Variants in RAB10 observed in about 807,000 individuals in gnomAD.
RAB10 encodes ras-related protein Rab-10.
Under a neutral mutation model 25.7 loss-of-function variants are expected in RAB10, and 5 were observed. The observed-to-expected ratio is 0.19, with a 90% CI of 0.10 to 0.41. The LOEUF is 0.41. Ranked by LOEUF, RAB10 falls within the 10% of genes least tolerant of loss-of-function variation. RAB10 has a pLI of 1.00. For synonymous variants in RAB10, 89 were observed against 86.4 expected, an observed-to-expected ratio of 1.03 and a Z score of -0.16; for missense variants, 103 against 245.8, an observed-to-expected ratio of 0.42 and a Z score of 3.89.
chr2:26,108,483 G>T (rs969899674), intron 2 of RAB10, among the ~76,000 whole-genome samples: 6 of 152,132 alleles, frequency 3.9e-5, no homozygotes, highest in African/African-American at 1.4e-4. Context: ...ACAGATTATT[G>T]ATCAGAGTTT....
chr2:26,040,884 A>T (rs1394645912), intron 1 of RAB10, among the ~76,000 whole-genome samples: 1 of 152,146 alleles, frequency 6.6e-6, no homozygotes, highest in Non-Finnish European at 1.5e-5. Context: ...TTCAATTCTC[A>T]TACATCCGTA....
At chr2:26,086,300 A>G (rs1429772602) in intron 1 of RAB10, among the ~76,000 whole-genome samples, 1 of 152,240 alleles carries the variant, frequency 6.6e-6, no homozygotes, top group Non-Finnish European at 1.5e-5. Context: ...AAAAATGGGC[A>G]AAGGACTTGT....
Position 26,062,711 on chromosome 2 carries a change from A to G in RAB10, c.127+27976A>G, listed in dbSNP as rs116500513. On this transcript the variant is annotated intron_variant, in intron 1 of 5. Coordinates refer to ENST00000264710, the MANE Select transcript of RAB10 (RefSeq NM_016131.5). ...ATAAATAAATAAATAAATAAAGGAAAGGAAAAAAACCCTTCAAACTGGCTT... is the reference window on the plus strand; with the variant it reads ...ATAAATAAATAAATAAATAAAGGAAGGGAAAAAAACCCTTCAAACTGGCTT... Among the ~76,000 whole-genome samples, 918 of 140,626 alleles carry G rather than the reference A, an allele frequency of 6.5e-3. 11 individuals are homozygous for G. The highest frequency in any genetic ancestry group is 0.023 in the African/African-American group (883 of 38,672). 92.3% of individuals were successfully genotyped at this position (140,626 alleles called of 152,430 possible).
intron 1 of RAB10, among the ~76,000 whole-genome samples, chr2:26,035,070 A>T (rs1665736038): frequency 6.6e-6 from 1 of 152,200 alleles, no homozygotes; most frequent in Non-Finnish European, 1.5e-5. Context: ...TGATATTTTT[A>T]AGGTATTTAT....
chr2:26,080,122 G>A (rs1666836388), intron 1 of RAB10, among the ~76,000 whole-genome samples: 1 of 152,140 alleles, frequency 6.6e-6, no homozygotes, highest in African/African-American at 2.4e-5. Context: ...CACAGGAGCT[G>A]GCTTGAAGGA....
intron 3 of RAB10, among the ~76,000 whole-genome samples, chr2:26,116,660 C>T (rs575908404): frequency 1.4e-5 from 2 of 142,316 alleles, no homozygotes; most frequent in South Asian, 4.7e-4. Flanking sequence ...GGGTTCACAC[C>T]ATCCTCCTGC....
At chr2:26,042,039 C>T (rs1408677331) in intron 1 of RAB10, among the ~76,000 whole-genome samples, 2 of 152,144 alleles carry the variant, frequency 1.3e-5, no homozygotes, top group African/African-American at 2.4e-5. Context: ...CTCAGGAATG[C>T]GTTACTTATT....
intron 1 of RAB10, among the ~76,000 whole-genome samples, chr2:26,083,369 C>CT: frequency 6.6e-6 from 1 of 152,024 alleles, no homozygotes; most frequent in African/African-American, 2.4e-5. Context: ...TATTATTTTT[C>CT]TTTTTTCTCT....
At chr2:26,104,464 T>C (rs533599411) in intron 2 of RAB10, among the ~76,000 whole-genome samples, 1 of 152,348 alleles carries the variant, frequency 6.6e-6, no homozygotes, top group African/African-American at 2.4e-5. Flanking sequence ...GTTATTTGTA[T>C]ATTCTGCATA....
At chr2:26,095,845 G>A (rs1290250887) in intron 1 of RAB10, among the ~76,000 whole-genome samples, 2 of 152,182 alleles carry the variant, frequency 1.3e-5, no homozygotes, top group Non-Finnish European at 2.9e-5. Flanking sequence ...CCAGGAGGTC[G>A]AGGCTGCAGT....
At chr2:26,049,338 A>G (rs1484585511) in intron 1 of RAB10, among the ~76,000 whole-genome samples, 1 of 151,862 alleles carries the variant, frequency 6.6e-6, no homozygotes, top group Non-Finnish European at 1.5e-5. Flanking sequence ...ATGACCTGAC[A>G]GGAATGAAAA....
Position 26,034,571 on chromosome 2 carries a change from G to A in RAB10, c.-38G>A, listed in dbSNP as rs1390127984. 2 of 1,611,936 alleles carry A rather than the reference G, an allele frequency of 1.2e-6. No homozygotes were observed. Among genetic ancestry groups the A allele is most frequent in the South Asian group, 1.1e-5 (1 of 90,976 alleles). On this transcript the variant is annotated 5_prime_UTR_variant, in exon 1 of 6. Coordinates refer to ENST00000264710, the MANE Select transcript of RAB10 (RefSeq NM_016131.5). ...CCGTAGTGAGAGGGACCGATCCCTT[G>A]GGGCCGCCGGCGGCGAGAGCCCGAG... is the stretch of plus-strand genomic sequence containing the variant.
chr2:26,118,781 A>G (rs1667743137), intron 3 of RAB10, among the ~76,000 whole-genome samples: 1 of 152,184 alleles, frequency 6.6e-6, no homozygotes, highest in African/African-American at 2.4e-5. Flanking sequence ...ACCTCTCTGT[A>G]TTAGTACCTT....
At chr2:26,045,503 T>A (rs1665982675) in intron 1 of RAB10, among the ~76,000 whole-genome samples, 1 of 152,124 alleles carries the variant, frequency 6.6e-6, no homozygotes, top group Admixed American at 6.5e-5. Context: ...CCTCCCAAAG[T>A]GCTGGGATTA....
chr2:26,097,809 A>C (rs927880033), intron 1 of RAB10, among the ~76,000 whole-genome samples: 1 of 152,154 alleles, frequency 6.6e-6, no homozygotes, highest in African/African-American at 2.4e-5. Context: ...AGGATGTTGA[A>C]GTCTCCAACT....
At chr2:26,058,883 A>G (rs985241560) in intron 1 of RAB10, among the ~76,000 whole-genome samples, 1 of 152,210 alleles carries the variant, frequency 6.6e-6, no homozygotes, top group Non-Finnish European at 1.5e-5. Context: ...ACTTCTACAC[A>G]GTAATTAATA....
At chr2:26,049,929 CAGAT>C in intron 1 of RAB10, among the ~76,000 whole-genome samples, 1 of 152,134 alleles carries the variant, frequency 6.6e-6, no homozygotes, top group East Asian at 1.9e-4. Context: ...GCCAAACCAC[CAGAT>C]AATAATCTTT....
intron 3 of RAB10, among the ~76,000 whole-genome samples, chr2:26,115,362 T>C (rs1047416157): frequency 6.6e-6 from 1 of 151,300 alleles, no homozygotes; most frequent in African/African-American, 2.4e-5. Flanking sequence ...AACTGATGAA[T>C]GGATAAATAA....
At chr2:26,133,725 G>C (rs947760952) in intron 5 of RAB10, among the ~76,000 whole-genome samples, 1 of 151,850 alleles carries the variant, frequency 6.6e-6, no homozygotes, top group Non-Finnish European at 1.5e-5. Flanking sequence ...CCAGGCTGGA[G>C]TGCTGTGGCG....
Sources: gnomAD v4.1 joint callset for allele counts (sites outside exome capture counted in the v4.1 genomes callset) on GRCh38, gnomAD v4.1.1 for gene constraint, MANE v1.5 for transcripts, NCBI Gene and HGNC (gene_info 2026-07-23, HGNC 2026-07-21) for gene names.